ZNF722: variants seen among roughly 807,000 people sequenced by gnomAD.
The protein encoded by ZNF722 is zinc finger protein 479 pseudogene.
At chr7:64,000,668 C>A in the ZNF722 span, among the ~76,000 whole-genome samples, 2 of 151,686 alleles carry the variant, frequency 1.3e-5, no homozygotes, top group African/African-American at 2.4e-5. Context: ...CCAGGCTGGT[C>A]TCAAACTCCT....
chr7:64,002,082 C>T, the ZNF722 span, among the ~76,000 whole-genome samples: 13 of 151,970 alleles, frequency 8.6e-5, no homozygotes, highest in African/African-American at 2.4e-4. Flanking sequence ...GGGGATTCAC[C>T]ACGTTGGCCA....
At chr7:64,006,170 G>T in the ZNF722 span, 2 of 960,148 alleles carry the variant, frequency 2.1e-6, no homozygotes, top group Non-Finnish European at 3.0e-6. Context: ...ATACTAGTTT[G>T]GTAATTAAAG....
chr7:64,012,401 C>G, the ZNF722 span, among the ~76,000 whole-genome samples: 26 of 152,264 alleles, frequency 1.7e-4, no homozygotes, highest in African/African-American at 5.5e-4. Context: ...TCCTCCCCAT[C>G]TTTGTGGTTT....
chr7:64,007,230 GTATATATA>G, the ZNF722 span, among the ~76,000 whole-genome samples: 6 of 138,512 alleles, frequency 4.3e-5, 1 homozygote, highest in East Asian at 2.1e-4. Context: ...GTTTGTGTGT[GTATATATA>G]TATATATATA....
At chr7:64,017,573 C>G in the ZNF722 span, among the ~76,000 whole-genome samples, 3 of 152,170 alleles carry the variant, frequency 2.0e-5, no homozygotes, top group Non-Finnish European at 2.9e-5. Flanking sequence ...GAAGCAGATG[C>G]TCAAACTTTG....
At chr7:64,000,769 CT>C in the ZNF722 span, among the ~76,000 whole-genome samples, 2 of 149,342 alleles carry the variant, frequency 1.3e-5, no homozygotes, top group African/African-American at 2.5e-5. Flanking sequence ...TCAACTGTGT[CT>C]TTTTTTTTGG....
chr7:64,012,695 T>C, the ZNF722 span, among the ~76,000 whole-genome samples: 62 of 152,322 alleles, frequency 4.1e-4, no homozygotes, highest in Non-Finnish European at 2.4e-4. Flanking sequence ...CCACTTGCTT[T>C]TGACTGGAGA....
At chr7:64,000,241 C>T in the ZNF722 span, among the ~76,000 whole-genome samples, 1 of 150,930 alleles carries the variant, frequency 6.6e-6, no homozygotes, top group Admixed American at 6.7e-5. Flanking sequence ...TGCGATTCTC[C>T]TGCCTCAGCC....
At chr7:64,010,557 G>A in the ZNF722 span, among the ~76,000 whole-genome samples, 7 of 152,204 alleles carry the variant, frequency 4.6e-5, no homozygotes, top group Non-Finnish European at 8.8e-5. Flanking sequence ...GCGGTTTTGA[G>A]TGAGTTTCTT....
the ZNF722 span, among the ~76,000 whole-genome samples, chr7:64,011,538 G>T: frequency 6.6e-6 from 1 of 152,102 alleles, no homozygotes; most frequent in Non-Finnish European, 1.5e-5. Flanking sequence ...GAGATTCTGG[G>T]TTGAAAATTC....
At chr7:64,014,325 A>G in the ZNF722 span, among the ~76,000 whole-genome samples, 1 of 152,048 alleles carries the variant, frequency 6.6e-6, no homozygotes, top group Non-Finnish European at 1.5e-5. Flanking sequence ...AAAAATTAAT[A>G]TATACATCTT....
the ZNF722 span, among the ~76,000 whole-genome samples, chr7:64,000,489 C>T: frequency 2.8e-5 from 3 of 107,998 alleles, no homozygotes; most frequent in African/African-American, 1.1e-4. Flanking sequence ...CTCGCTCTGT[C>T]CTTCAGGCTG....
At chr7:64,001,276 G>A in the ZNF722 span, among the ~76,000 whole-genome samples, 1 of 152,126 alleles carries the variant, frequency 6.6e-6, no homozygotes, top group Non-Finnish European at 1.5e-5. Context: ...GTGTCTGTCT[G>A]TTGTTCTCTT....
chr7:64,004,943 T>C, the ZNF722 span, among the ~76,000 whole-genome samples: 1 of 152,190 alleles, frequency 6.6e-6, no homozygotes, highest in Non-Finnish European at 1.5e-5. Flanking sequence ...ATTGCACATA[T>C]TAAGACTTGA....
chr7:64,009,677 C>T, the ZNF722 span, among the ~76,000 whole-genome samples: 116 of 152,164 alleles, frequency 7.6e-4, no homozygotes, highest in Non-Finnish European at 1.5e-3. Context: ...CATCGATGTT[C>T]ATCAGGGATA....
At chr7:64,011,116 A>G in the ZNF722 span, among the ~76,000 whole-genome samples, 1 of 151,522 alleles carries the variant, frequency 6.6e-6, no homozygotes, top group Admixed American at 6.6e-5. Flanking sequence ...ATCTTCCTCC[A>G]TCCTTTTATT....
the ZNF722 span, chr7:64,006,321 T>G: frequency 7.7e-7 from 1 of 1,295,832 alleles, no homozygotes; most frequent in Non-Finnish European, 1.1e-6. Context: ...AACACCCAGG[T>G]AGGTGAGAGC....
At chr7:64,013,366 TG>T in the ZNF722 span, among the ~76,000 whole-genome samples, 1 of 152,096 alleles carries the variant, frequency 6.6e-6, no homozygotes, top group African/African-American at 2.4e-5. Context: ...TCCTAGTAAA[TG>T]GACTCATTTT....
chr7:64,016,051 A>G, the ZNF722 span: 8,179 of 659,756 alleles, frequency 0.012, 340 homozygotes, highest in East Asian at 0.11. Flanking sequence ...AAGAGAATCC[A>G]TATTGGACAA....
Sources: gnomAD v4.1 joint callset for allele counts (sites outside exome capture counted in the v4.1 genomes callset) on GRCh38, gnomAD v4.1.1 for gene constraint, MANE v1.5 for transcripts, NCBI Gene and HGNC (gene_info 2026-07-23, HGNC 2026-07-21) for gene names.